Variants in BEST2 observed in about 807,000 individuals in gnomAD.
BEST2 encodes bestrophin 2, also known as bestrophin-2a.
A neutral mutation model predicts 49.0 loss-of-function variants in BEST2; 36 were observed. The ratio of observed to expected loss-of-function variants is 0.73; its 90% CI spans 0.56 to 0.97. BEST2 has a LOEUF of 0.97. Among genes scored for constraint, BEST2 ranks in the 50% least tolerant of loss-of-function variants. The pLI is 0.00. For missense variants in BEST2, 672 were observed against 710.0 expected (o/e 0.95, Z 0.61); for synonymous variants, 335 against 304.4 (o/e 1.10, Z -1.05).
chr19:12,755,544 C>T lies in BEST2; in HGVS notation c.715-71C>T, dbSNP rs911162049. The T allele has an allele frequency of 1.2e-6, 2 of 1,607,926 alleles. No homozygotes were observed. The highest frequency in any genetic ancestry group is 1.3e-5 in the African/African-American group (1 of 74,748). Reference sequence around the variant, plus strand: ...GGAAACCAAGAACTAGCTAAGACCCCCATCATAATGATGCCTAATCCTAGC... The same window carrying T: ...GGAAACCAAGAACTAGCTAAGACCCTCATCATAATGATGCCTAATCCTAGC... On this transcript the variant is annotated intron_variant, in intron 6 of 9. Coordinates refer to ENST00000553030, the MANE Select transcript of BEST2 (RefSeq NM_017682.3). The surrounding 1 kb of genome is among the most constrained non-coding windows in gnomAD (Gnocchi z 4.4).
At chr19:12,757,538 T>G in intron 9 of BEST2, 113 bp from the exon 10 acceptor site, 1 of 1,206,930 alleles carries the variant, frequency 8.3e-7, no homozygotes, top group Non-Finnish European at 1.1e-6. Context: ...CTAAGATCTT[T>G]GGGGATAAGT....
rs755678866 is a variant in BEST2 at position 12,752,621 on chromosome 19, C to T, written c.29C>T (p.Ala10Val). Residue 10 changes from alanine (A) to valine (V), a missense_variant, in exon 2 of 10, where the codon GCG (alanine) becomes GTG (valine). Ala to Val is a moderately conservative substitution (Grantham distance 64, BLOSUM62 0). Around this residue, in one of 3 missense-constraint regions of BEST2, gnomAD observed 365 missense variants for 390.9 expected, o/e 0.93. Coordinates refer to ENST00000553030, the MANE Select transcript of BEST2 (RefSeq NM_017682.3). Reference protein sequence around the residue: MTVTYTARVANARFGGFSQL... With the variant: MTVTYTARVVNARFGGFSQL... Reference sequence around the variant, plus strand: ...ACCGTCACCTACACAGCCCGAGTGGCGAACGCCCGCTTCGGTGGCTTCTCC... The same window carrying T: ...ACCGTCACCTACACAGCCCGAGTGGTGAACGCCCGCTTCGGTGGCTTCTCC... The T allele has an allele frequency of 3.7e-6, 6 of 1,612,082 alleles. No homozygotes were observed. Among genetic ancestry groups the T allele is most frequent in the South Asian group, 1.1e-5 (1 of 90,998 alleles).
Position 12,756,145 on chromosome 19 carries a change from C to A in BEST2, c.953C>A (p.Ser318Tyr), listed in dbSNP as rs756949309. The A allele has an allele frequency of 6.2e-7, 1 of 1,614,222 alleles. No individual in the cohort carries two copies. The highest frequency in any genetic ancestry group is 1.1e-5 in the South Asian group (1 of 91,084). ...NFLIDRNFQV[S>Y]MLAVDEMYDD... ...CCTGTGTGTTTGCACCCGTAGGTGT[C>A]CATGCTGGCAGTGGACGAGATGTAT... The change falls in exon 9 of 10, where the codon TCC (serine) becomes TAC (tyrosine). Residue 318 changes from serine to tyrosine, a missense_variant. Transcript: ENST00000553030.
chr19:12,757,872 C>T lies in BEST2; in HGVS notation c.1325C>T (p.Ala442Val), dbSNP rs1365154850. 6.5e-6 allele frequency: 10 copies of T among 1,549,292 alleles called. No homozygotes were observed. The African/African-American group carries it at 6.8e-5, about 11-fold the overall frequency. Residue 442 changes from alanine to valine, a missense_variant, in exon 10 of 10, where the codon GCG becomes GTG. By Grantham distance (64) the Ala-to-Val change is moderately conservative. Transcript: ENST00000553030. The stretch of plus-strand genomic sequence containing the variant: ...TCATGCGCGGTTGTCCCCGAAGGCG[C>T]GGCCCCGGAGTGCAGCTGCGGGGAC... ...SCSCAVVPEGAAPECSCGDPL... is the reference protein window; with the variant it reads ...SCSCAVVPEGVAPECSCGDPL...
chr19:12,755,284 C>A lies in BEST2; in HGVS notation c.637-95C>A. The A allele has an allele frequency of 7.4e-7, 1 of 1,343,208 alleles. No homozygotes were observed. Among genetic ancestry groups the A allele is most frequent in the Non-Finnish European group, 1.1e-6 (1 of 941,014 alleles). The allele number at this position is 1,343,208 out of a possible 1,614,324, so 83.2% of individuals were successfully genotyped here. A position where few individuals can be genotyped will look rare whatever the true frequency, so the allele number is the denominator to read the frequency against. ...CCCAAAGCACACTCCCAATTCCCAC[C>A]AGGTGACCACCCACCTCCATCCCAC... On this transcript the variant is annotated intron_variant, in intron 5 of 9. Coordinates refer to ENST00000553030, the MANE Select transcript of BEST2 (RefSeq NM_017682.3). The surrounding 1 kb of genome is among the most constrained non-coding windows in gnomAD (Gnocchi z 4.4).
In BEST2 at chr19:12,758,034, G is replaced by C. The variant is rs1458325631; in HGVS notation, c.1487G>C (p.Trp496Ser). 1 of 1,613,156 alleles carries C rather than the reference G, an allele frequency of 6.2e-7. No homozygotes were observed. The highest frequency in any genetic ancestry group is 8.5e-7 in the Non-Finnish European group (1 of 1,179,958). ...MPGPRGPAPPWLPSPIGEEEE... is the reference protein window; with the variant it reads ...MPGPRGPAPPSLPSPIGEEEE... ...GGGCCCCGGGGTCCGGCGCCACCCTGGCTGCCCAGCCCTATTGGCGAGGAG... is the reference window on the plus strand; with the variant it reads ...GGGCCCCGGGGTCCGGCGCCACCCTCGCTGCCCAGCCCTATTGGCGAGGAG... Residue 496 changes from tryptophan to serine, a missense_variant, in exon 10 of 10, where the codon TGG becomes TCG. By Grantham distance (177) the Trp-to-Ser change is radical (BLOSUM62 -3). This residue lies in a region of BEST2 where 291 missense variants were observed against 279.8 expected (regional missense o/e 1.04). Coordinates refer to ENST00000553030, the MANE Select transcript of BEST2 (RefSeq NM_017682.3).
chr19:12,754,855 A>T (rs2145704580), intron 4 of BEST2, 22 bp from the exon 5 acceptor site: 1 of 1,605,946 alleles, frequency 6.2e-7, no homozygotes, highest in East Asian at 2.2e-5. Flanking sequence ...GGGGCGAGCT[A>T]TCCCTGACCC....
intron 4 of BEST2, 25 bp from the exon 5 acceptor site, chr19:12,754,852 G>T (rs1480360181): frequency 1.2e-6 from 2 of 1,603,720 alleles, no homozygotes; most frequent in South Asian, 2.2e-5. Flanking sequence ...CAAGGGGCGA[G>T]CTATCCCTGA....
rs1967910217 is a variant in BEST2 at position 12,754,432 on chromosome 19, G to A, written c.248-120G>A. ...TTCCCAGCCCAAACGTGGTCAGGTTGGCCAGCACGCTCGGGTTTCCCTGAT... is the reference window on the plus strand; with the variant it reads ...TTCCCAGCCCAAACGTGGTCAGGTTAGCCAGCACGCTCGGGTTTCCCTGAT... On this transcript the variant is annotated intron_variant, in intron 3 of 9. Coordinates refer to ENST00000553030, the MANE Select transcript of BEST2 (RefSeq NM_017682.3). 7 of 847,784 alleles carry A rather than the reference G, an allele frequency of 8.3e-6. No homozygotes were observed. The East Asian group carries it at 2.0e-4, about 25-fold the overall frequency. 52.5% of individuals were successfully genotyped at this position (847,784 alleles called of 1,614,324 possible).
rs376750476 is a variant in BEST2 at position 12,755,602 on chromosome 19, C to T, written c.715-13C>T. On this transcript the variant is annotated splice_polypyrimidine_tract_variant and intron_variant, in intron 6 of 9. Transcript: ENST00000553030. The surrounding 1 kb of genome is among the most constrained non-coding windows in gnomAD (Gnocchi z 4.4). ...CCCAATGACCCCCCTGAGCCCTGCC[C>T]CGCCCTGCCCAGGTGGTGACCATCG... The T allele has an allele frequency of 1.9e-6, 3 of 1,611,410 alleles. No individual in the cohort carries two copies. The African/African-American group carries it at 4.0e-5, about 22-fold the overall frequency.
At chr19:12,754,399 C>T (rs1034968459) in intron 3 of BEST2, among the ~76,000 whole-genome samples, 153 bp from the exon 4 acceptor site, 2 of 152,060 alleles carry the variant, frequency 1.3e-5, no homozygotes, top group Non-Finnish European at 2.9e-5. Flanking sequence ...CAGGGCTGGA[C>T]CCCCAAGTTC....
In BEST2 at chr19:12,758,447, T is replaced by C. The variant is rs1354693709; in HGVS notation, c.*370T>C. On this transcript the variant is annotated 3_prime_UTR_variant, in exon 10 of 10. Coordinates refer to ENST00000553030, the MANE Select transcript of BEST2 (RefSeq NM_017682.3). ...TAGGTGCTCAATAAATTGCTAGTGA[T>C]TTTTACTCAAACGTTGTTAGTCTGA... The C allele has an allele frequency of 4.2e-6, 1 of 238,050 alleles. No homozygotes were observed. The highest frequency in any genetic ancestry group is 2.3e-5 in the African/African-American group (1 of 43,768). The allele number at this position is 238,050 out of a possible 1,614,324, so 14.7% of individuals were successfully genotyped here.
rs754854813 is a variant in BEST2 at position 12,754,579 on chromosome 19, G to A, written c.275G>A (p.Arg92His). ...LGFYVTLVVN[R>H]WWSQYLCMPL... ...TTTTATGTGACGCTGGTGGTGAACC[G>A]CTGGTGGAGCCAGTACCTATGCATG... The change falls in exon 4 of 10, where the codon CGC (arginine) becomes CAC (histidine). Residue 92 changes from arginine to histidine, a missense_variant. Arg to His is a conservative substitution (Grantham distance 29). This residue lies in a region of BEST2 where 365 missense variants were observed against 390.9 expected (regional missense o/e 0.93). Transcript: ENST00000553030. 8 of 1,540,890 alleles carry A rather than the reference G, an allele frequency of 5.2e-6. No homozygotes were observed. The highest frequency in any genetic ancestry group is 1.9e-5 in the Admixed American group (1 of 51,908).
rs750107042 is a variant in BEST2 at position 12,754,914 on chromosome 19, C to G, written c.519C>G (p.Asn173Lys). The change falls in exon 5 of 10, where the codon AAC becomes AAG. Residue 173 changes from asparagine (N) to lysine (K), a missense_variant. By Grantham distance (94) the Asn-to-Lys change is moderately conservative. Coordinates refer to ENST00000553030, the MANE Select transcript of BEST2 (RefSeq NM_017682.3). ...GCGAGGAGCGCAAGAAGTTTGAAAA[C>G]CTGAACTCATCCTACAACAAGTACT... ...MTREERKKFE[N>K]LNSSYNKYWV... 1.2e-6 allele frequency: 2 copies of G among 1,613,894 alleles called. No homozygotes were observed. The highest frequency in any genetic ancestry group is 1.7e-6 in the Non-Finnish European group (2 of 1,179,900).
intron 9 of BEST2, among the ~76,000 whole-genome samples, chr19:12,757,364 A>G (rs1217825055): frequency 6.6e-6 from 1 of 152,174 alleles, no homozygotes; most frequent in Non-Finnish European, 1.5e-5. Flanking sequence ...GTGAGCCGAG[A>G]TTGCGCCACT....
rs766942702 is a variant in BEST2 at position 12,754,994 on chromosome 19, G to T, written c.599G>T (p.Arg200Leu). 6 of 1,611,228 alleles carry T rather than the reference G, an allele frequency of 3.7e-6. No homozygotes were observed. The Admixed American group carries it at 6.8e-5, about 18-fold the overall frequency. Reference protein sequence around the residue: ...NLAAQARREGRIRDNSALKLL... With the variant: ...NLAAQARREGLIRDNSALKLL... ...GCGGCACAGGCCCGACGCGAGGGCC[G>T]CATCCGCGACAACAGCGCCCTTAAG... Residue 200 changes from arginine to leucine, a missense_variant, in exon 5 of 10, where the codon CGC (arginine) becomes CTC (leucine). By Grantham distance (102) the Arg-to-Leu change is moderately radical. Around this residue, in one of 3 missense-constraint regions of BEST2, gnomAD observed 365 missense variants for 390.9 expected, o/e 0.93. Coordinates refer to ENST00000553030, the MANE Select transcript of BEST2 (RefSeq NM_017682.3).
At chr19:12,754,067 T>A (rs1204547870) in intron 3 of BEST2, among the ~76,000 whole-genome samples, 8 of 124,030 alleles carry the variant, frequency 6.5e-5, no homozygotes, top group African/African-American at 2.1e-4. Flanking sequence ...TCTGCCTTTT[T>A]TTTTTTTTTT....
Position 12,757,652 on chromosome 19 carries a change from C to T in BEST2, c.1105C>T (p.Leu369=). 6.5e-7 allele frequency: 1 copy of T among 1,535,854 alleles called. No individual in the cohort carries two copies. The highest frequency in any genetic ancestry group is 8.7e-7 in the Non-Finnish European group (1 of 1,146,712). The change falls in exon 10 of 10, where the codon CTG becomes TTG. Residue 369 remains leucine, a splice_region_variant and synonymous_variant. Coordinates refer to ENST00000553030, the MANE Select transcript of BEST2 (RefSeq NM_017682.3). ...GCTGGCCCACTGTCGGTCCCGCAGGCTGGCCAAAGAAGACATGCAGTTCCA... is the reference window on the plus strand; with the variant it reads ...GCTGGCCCACTGTCGGTCCCGCAGGTTGGCCAAAGAAGACATGCAGTTCCA... The part of the protein sequence containing the change: ...SFQGSTFDIT[L]AKEDMQFQRL...
In BEST2 at chr19:12,755,564, C is replaced by A; in HGVS notation, c.715-51C>A. 6.2e-7 allele frequency: 1 copy of A among 1,609,592 alleles called. No individual in the cohort carries two copies. The highest frequency in any genetic ancestry group is 2.2e-5 in the East Asian group (1 of 44,820). ...GACCCCCATCATAATGATGCCTAAT[C>A]CTAGCCTTGGACCCCAATGACCCCC... On this transcript the variant is annotated intron_variant, in intron 6 of 9. Transcript: ENST00000553030. The surrounding 1 kb of genome is among the most constrained non-coding windows in gnomAD (Gnocchi z 4.4).
Sources: allele counts gnomAD v4.1 joint callset (sites outside exome capture counted in the v4.1 genomes callset), GRCh38; gene constraint gnomAD v4.1.1; regional missense constraint gnomAD v4.1.1; non-coding constraint Gnocchi (gnomAD v3.1); transcripts MANE v1.5; gene names NCBI Gene and HGNC (gene_info 2026-07-23, HGNC 2026-07-21).